AMOTL1: variants seen among roughly 807,000 people sequenced by gnomAD.
AMOTL1 encodes angiomotin-like protein 1.
A neutral mutation model predicts 102.9 loss-of-function variants in AMOTL1; 45 were observed. The observed-to-expected ratio is 0.44, with a 90% CI of 0.34 to 0.56. The LOEUF (loss-of-function observed/expected upper bound fraction) is 0.56. Ranked by LOEUF, AMOTL1 falls within the 20% of genes least tolerant of loss-of-function variation. The pLI is 0.01. For missense variants in AMOTL1, 1,114 were observed against 1,225.6 expected (o/e 0.91, Z 1.36); for synonymous variants, 481 against 484.7 (o/e 0.99, Z 0.10).
At chr11:94,709,956 G>A (rs1305146418) in intron 1 of AMOTL1, among the ~76,000 whole-genome samples, 2 of 152,094 alleles carry the variant, frequency 1.3e-5, no homozygotes, top group Non-Finnish European at 2.9e-5. Flanking sequence ...TAACTCAAAT[G>A]TTTTAGTTAA....
chr11:94,763,897 A>G (rs576706254), upstream of AMOTL1, among the ~76,000 whole-genome samples: 3 of 152,286 alleles, frequency 2.0e-5, no homozygotes, highest in East Asian at 3.9e-4. Context: ...GCCATTGTAA[A>G]ACAGAGAACT....
upstream of AMOTL1, chr11:94,768,315 C>T (rs577740669): frequency 7.3e-7 from 1 of 1,372,058 alleles, no homozygotes; most frequent in South Asian, 1.7e-5. Context: ...CGACCCTCCC[C>T]GGCCCGCGCG....
chr11:94,859,503 G>T, intron 8 of AMOTL1, 22 bp from the exon 9 acceptor site: 1 of 1,598,290 alleles, frequency 6.3e-7, no homozygotes, highest in Non-Finnish European at 8.5e-7. Flanking sequence ...TGAGCATCAA[G>T]ATTTTTTTTC....
At chr11:94,831,750 C>T (rs1952076309) in intron 6 of AMOTL1, among the ~76,000 whole-genome samples, 1 of 152,196 alleles carries the variant, frequency 6.6e-6, no homozygotes, top group Admixed American at 6.5e-5. Flanking sequence ...AATGTTTATT[C>T]TGTCCCTCTG....
chr11:94,857,897 A>G lies in AMOTL1; in HGVS notation c.1945-1628A>G, dbSNP rs559897402. 3.3e-5 allele frequency among the ~76,000 whole-genome samples: 5 copies of G among 151,824 alleles called. No individual in the cohort carries two copies. The East Asian group carries it at 9.7e-4, about 29-fold the overall frequency. On this transcript the variant is annotated intron_variant, in intron 8 of 12. Coordinates refer to ENST00000433060, the MANE Select transcript of AMOTL1 (RefSeq NM_130847.3). ...TGGGCGGCAGTAGCTGGCACACCTG[A>G]CCATCAATCTGTTTTTCTCGGTAGC...
In AMOTL1 at chr11:94,866,272, A is replaced by C. The variant is rs763660743; in HGVS notation, c.2488+104A>C. On this transcript the variant is annotated intron_variant, in intron 11 of 12. Coordinates refer to ENST00000433060, the MANE Select transcript of AMOTL1 (RefSeq NM_130847.3). ...ATGTCCCTGAATAGTTCCTGGTCTC[A>C]GTTTACTCATCTGTGAAGTGGGGAG... The C allele has an allele frequency of 3.9e-5, 45 of 1,141,148 alleles. 1 individual carries two copies. The Middle Eastern group carries it at 2.2e-3, about 56-fold the overall frequency. 70.7% of individuals were successfully genotyped at this position (1,141,148 alleles called of 1,614,324 possible). A position where few individuals can be genotyped will look rare whatever the true frequency, so the allele number is the denominator to read the frequency against.
chr11:94,815,525 T>C (rs1272271962), intron 3 of AMOTL1, among the ~76,000 whole-genome samples: 1 of 152,094 alleles, frequency 6.6e-6, no homozygotes, highest in Non-Finnish European at 1.5e-5. Flanking sequence ...ACTTATCATA[T>C]AATTTAAAAT....
At chr11:94,843,032 G>A (rs1714345860) in intron 6 of AMOTL1, among the ~76,000 whole-genome samples, 1 of 152,150 alleles carries the variant, frequency 6.6e-6, no homozygotes, top group Non-Finnish European at 1.5e-5. Context: ...CCAGCTGCCT[G>A]GCAGAACCCT....
chr11:94,822,612 T>C (rs1261134894), intron 4 of AMOTL1, among the ~76,000 whole-genome samples: 1 of 152,172 alleles, frequency 6.6e-6, no homozygotes, highest in Admixed American at 6.5e-5. Context: ...GCTTTCTGCA[T>C]GTTTGTGACT....
At chr11:94,862,293 C>A (rs917363691) in intron 9 of AMOTL1, among the ~76,000 whole-genome samples, 49 of 152,058 alleles carry the variant, frequency 3.2e-4, no homozygotes, top group African/African-American at 1.2e-3. Flanking sequence ...TTGCTTTTTT[C>A]TTTTCAGTAA....
At chr11:94,810,404 TCAAA>T (rs869277543) in intron 3 of AMOTL1, among the ~76,000 whole-genome samples, 1 of 150,778 alleles carries the variant, frequency 6.6e-6, no homozygotes, top group Non-Finnish European at 1.5e-5. Context: ...GCACTTTTTT[TCAAA>T]CAAAGACATT....
At chr11:94,821,915 A>AC in intron 4 of AMOTL1, 94 bp downstream of exon 4, 1 of 1,495,232 alleles carries the variant, frequency 6.7e-7, no homozygotes, top group Non-Finnish European at 9.1e-7. Flanking sequence ...ATTGCAGTAG[A>AC]CCCCTTTTTA....
intron 3 of AMOTL1, among the ~76,000 whole-genome samples, chr11:94,754,668 C>T (rs1481214406): frequency 6.6e-6 from 1 of 152,122 alleles, no homozygotes; most frequent in Non-Finnish European, 1.5e-5. Context: ...GCTGACATTC[C>T]ACACTGTTTA....
intron 3 of AMOTL1, among the ~76,000 whole-genome samples, chr11:94,746,062 G>GA (rs140244463): frequency 0.14 from 20,566 of 152,184 alleles, 1,578 homozygotes; most frequent in Middle Eastern, 0.27. Context: ...GTCTGCAAAT[G>GA]AATAACTATT....
At chr11:94,728,853 G>A (rs1950301320) in intron 1 of AMOTL1, 2 of 683,446 alleles carry the variant, frequency 2.9e-6, no homozygotes, top group South Asian at 3.7e-5. Context: ...CTTCAAGAAA[G>A]CTTCTCTTCA....
intron 11 of AMOTL1, among the ~76,000 whole-genome samples, chr11:94,868,156 T>C (rs994236834): frequency 5.3e-5 from 8 of 152,362 alleles, no homozygotes; most frequent in African/African-American, 1.9e-4. Context: ...GTCATTGTTA[T>C]GCACATTGCA....
At chr11:94,844,261 AT>A (rs1250712213) in intron 6 of AMOTL1, among the ~76,000 whole-genome samples, 2 of 152,140 alleles carry the variant, frequency 1.3e-5, no homozygotes, top group Non-Finnish European at 2.9e-5. Context: ...CTATGGGAGC[AT>A]TTGGAATTTG....
At chr11:94,726,566 T>G (rs79148895) in intron 1 of AMOTL1, among the ~76,000 whole-genome samples, 1 of 151,752 alleles carries the variant, frequency 6.6e-6, no homozygotes, top group South Asian at 2.1e-4. Flanking sequence ...GTGCTGTCAT[T>G]AGAAAGTATT....
chr11:94,795,435 C>T (rs1209213736), intron 2 of AMOTL1, among the ~76,000 whole-genome samples: 2 of 152,170 alleles, frequency 1.3e-5, no homozygotes, highest in Admixed American at 1.3e-4. Flanking sequence ...TTCAGTTTTT[C>T]TCTGATTCCT....
Sources: gnomAD v4.1 joint callset for allele counts (sites outside exome capture counted in the v4.1 genomes callset) on GRCh38, gnomAD v4.1.1 for gene constraint, MANE v1.5 for transcripts, NCBI Gene and HGNC (gene_info 2026-07-23, HGNC 2026-07-21) for gene names.